Variants in LARP4B observed in about 807,000 individuals in gnomAD.
The protein encoded by LARP4B is La ribonucleoprotein 4B.
A neutral mutation model predicts 89.8 loss-of-function variants in LARP4B; 12 were observed. The observed-to-expected ratio is 0.13, with a 90% CI of 0.09 to 0.22. The LOEUF (loss-of-function observed/expected upper bound fraction) is 0.22. Ranked by LOEUF, LARP4B falls within the 10% of genes least tolerant of loss-of-function variation. The pLI, the probability that LARP4B is intolerant of heterozygous loss-of-function variation, is 1.00. For synonymous variants in LARP4B, 367 were observed against 363.3 expected (o/e 1.01, Z -0.12); for missense variants, 757 against 947.7 (o/e 0.80, Z 2.64).
intron 1 of LARP4B, among the ~76,000 whole-genome samples, chr10:895,052 G>A (rs983891020): frequency 1.1e-4 from 16 of 152,150 alleles, no homozygotes; most frequent in African/African-American, 3.9e-4. Flanking sequence ...TGCGCATGGC[G>A]GCGTGTGCCT....
intron 1 of LARP4B, among the ~76,000 whole-genome samples, chr10:886,811 C>T (rs1247101497): frequency 6.6e-6 from 1 of 152,040 alleles, no homozygotes; most frequent in African/African-American, 2.4e-5. Flanking sequence ...TGACTACCGC[C>T]GGGCACAGTG....
intron 5 of LARP4B, among the ~76,000 whole-genome samples, chr10:852,920 C>T (rs1450065541): frequency 1.3e-5 from 2 of 152,046 alleles, no homozygotes; most frequent in Non-Finnish European, 2.9e-5. Context: ...ATGTAAAAGA[C>T]CAGTACACTG....
upstream of LARP4B, chr10:933,139 T>C (rs1830701591): frequency 6.6e-6 from 1 of 152,282 alleles, no homozygotes; most frequent in South Asian, 2.1e-4. Flanking sequence ...CCCTTAAGCT[T>C]GCTGCCTGAT....
intron 1 of LARP4B, among the ~76,000 whole-genome samples, chr10:909,398 C>T (rs1443778816): frequency 6.6e-6 from 1 of 151,968 alleles, no homozygotes; most frequent in African/African-American, 2.4e-5. Flanking sequence ...GGCATTACAC[C>T]TGCAGACCAG....
At chr10:870,566 A>G (rs1018837329) in intron 3 of LARP4B, among the ~76,000 whole-genome samples, 1 of 152,024 alleles carries the variant, frequency 6.6e-6, no homozygotes, top group Non-Finnish European at 1.5e-5. Context: ...CATAAAACCC[A>G]TTTCACCATT....
At chr10:962,621 G>A in the LARP4B span, among the ~76,000 whole-genome samples, 5 of 152,224 alleles carry the variant, frequency 3.3e-5, no homozygotes, top group Non-Finnish European at 5.9e-5. Context: ...TGTGGCAAAA[G>A]GGATTTATAG....
At chr10:889,992 A>T (rs1160185240) in intron 1 of LARP4B, among the ~76,000 whole-genome samples, 3 of 152,250 alleles carry the variant, frequency 2.0e-5, no homozygotes, top group Non-Finnish European at 4.4e-5. Context: ...GAGGATTCCT[A>T]GACATCCAGG....
chr10:859,756 A>G (rs1474848580), intron 5 of LARP4B, among the ~76,000 whole-genome samples: 3 of 152,150 alleles, frequency 2.0e-5, no homozygotes, highest in Non-Finnish European at 4.4e-5. Context: ...GTACGTTACT[A>G]AATGAAAGAA....
chr10:953,922 A>G, the LARP4B span, among the ~76,000 whole-genome samples: 1 of 152,254 alleles, frequency 6.6e-6, no homozygotes, highest in African/African-American at 2.4e-5. Context: ...CTCCAAGGAA[A>G]GACGGGAGCT....
the LARP4B span, among the ~76,000 whole-genome samples, chr10:949,858 A>G: frequency 2.7e-3 from 414 of 152,188 alleles, 6 homozygotes; most frequent in African/African-American, 9.7e-3. Context: ...TCGAGGCTGC[A>G]GTGCAGTGGT....
At chr10:895,924 C>T (rs2131970856) in intron 1 of LARP4B, among the ~76,000 whole-genome samples, 1 of 152,252 alleles carries the variant, frequency 6.6e-6, no homozygotes, top group South Asian at 2.1e-4. Flanking sequence ...TTTTAAATAA[C>T]ATATTATTTT....
chr10:891,667 G>A (rs1010234025), intron 1 of LARP4B, among the ~76,000 whole-genome samples: 14 of 152,082 alleles, frequency 9.2e-5, no homozygotes, highest in East Asian at 5.8e-4. Context: ...GGTTAAAAAA[G>A]TAACCATGCC....
the LARP4B span, among the ~76,000 whole-genome samples, chr10:937,825 G>T: frequency 7.2e-5 from 11 of 152,172 alleles, no homozygotes; most frequent in Non-Finnish European, 1.5e-4. Flanking sequence ...TAGCTCCGAG[G>T]TCAGAGGAAA....
intron 3 of LARP4B, among the ~76,000 whole-genome samples, chr10:873,658 G>A (rs1835334214): frequency 6.6e-6 from 1 of 151,984 alleles, no homozygotes; most frequent in Non-Finnish European, 1.5e-5. Context: ...AATGATGTCT[G>A]AAATAAATAG....
intron 1 of LARP4B, among the ~76,000 whole-genome samples, chr10:898,321 A>T (rs1588973048): frequency 2.0e-5 from 3 of 152,344 alleles, no homozygotes; most frequent in East Asian, 1.9e-4. Context: ...TATAGGAAGC[A>T]GTCTGGCAGT....
chr10:885,831 T>A (rs1299787822), intron 1 of LARP4B, 71 bp from the exon 2 acceptor site: 9 of 770,798 alleles, frequency 1.2e-5, no homozygotes, highest in Non-Finnish European at 1.8e-5. Flanking sequence ...AAAATTAAAA[T>A]CCTCAAGTTT....
At chr10:930,921 G>A (rs1257493011) in intron 1 of LARP4B, among the ~76,000 whole-genome samples, 1 of 150,844 alleles carries the variant, frequency 6.6e-6, no homozygotes, top group Non-Finnish European at 1.5e-5. Flanking sequence ...CGCACTGCGG[G>A]TGCCGGCGCC....
intron 5 of LARP4B, among the ~76,000 whole-genome samples, chr10:862,742 A>G (rs571953877): frequency 3.4e-4 from 52 of 151,950 alleles, no homozygotes; most frequent in Non-Finnish European, 7.1e-4. Context: ...GCTGGGTGAC[A>G]GTGAGACTCC....
At chr10:907,582 G>A (rs1336816570) in intron 1 of LARP4B, among the ~76,000 whole-genome samples, 1 of 152,152 alleles carries the variant, frequency 6.6e-6, no homozygotes, top group African/African-American at 2.4e-5. Context: ...GTTCCGAAGT[G>A]GCAAACACAT....
Sources: gnomAD v4.1 joint callset for allele counts (sites outside exome capture counted in the v4.1 genomes callset) on GRCh38, gnomAD v4.1.1 for gene constraint, MANE v1.5 for transcripts, NCBI Gene and HGNC (gene_info 2026-07-23, HGNC 2026-07-21) for gene names.